RPRD1B: variants seen among roughly 807,000 people sequenced by gnomAD.
RPRD1B encodes the protein regulation of nuclear pre-mRNA domain-containing protein 1B.
A neutral mutation model predicts 41.5 loss-of-function variants in RPRD1B; 11 were observed. That is an observed-to-expected ratio of 0.27 (90% CI 0.17 to 0.44). The LOEUF (loss-of-function observed/expected upper bound fraction) is 0.44, where lower values mean the gene tolerates loss of function less well. RPRD1B is among the 20% of genes least tolerant of loss of function. RPRD1B has a pLI of 1.00. For synonymous variants in RPRD1B, 158 were observed against 155.6 expected (o/e 1.02, Z -0.12); for missense variants, 248 against 389.9 (o/e 0.64, Z 3.06).
At chr20:38,063,244 T>C (rs902943502) in intron 5 of RPRD1B, among the ~76,000 whole-genome samples, 4 of 152,050 alleles carry the variant, frequency 2.6e-5, no homozygotes, top group Non-Finnish European at 1.5e-5. Flanking sequence ...AAAATGTTGA[T>C]CCCCCCCACC....
intron 5 of RPRD1B, among the ~76,000 whole-genome samples, chr20:38,060,515 G>GAAT (rs2074286717): frequency 6.6e-6 from 1 of 152,162 alleles, no homozygotes; most frequent in Non-Finnish European, 1.5e-5. Context: ...GGTATTAATG[G>GAAT]TATTTTAAAG....
chr20:38,063,558 G>GTTTA (rs2074322657), intron 5 of RPRD1B, among the ~76,000 whole-genome samples: 1 of 152,214 alleles, frequency 6.6e-6, no homozygotes, highest in Non-Finnish European at 1.5e-5. Flanking sequence ...GCTGCAAGGG[G>GTTTA]GAGCAGGGAA....
intron 1 of RPRD1B, among the ~76,000 whole-genome samples, chr20:38,039,150 A>C (rs900554542): frequency 3.3e-5 from 5 of 152,346 alleles, no homozygotes; most frequent in Admixed American, 6.5e-5. Flanking sequence ...TTATGGTTTA[A>C]TATATGATAC....
intron 6 of RPRD1B, among the ~76,000 whole-genome samples, chr20:38,071,664 C>T (rs1018337935): frequency 3.3e-5 from 5 of 152,166 alleles, no homozygotes; most frequent in Non-Finnish European, 7.3e-5. Flanking sequence ...TAGCAATGTG[C>T]GTGGGTTCCA....
Position 38,091,929 on chromosome 20 carries a change from C to G in RPRD1B, c.*2054C>G. ...AAATGAATGTGTTGGCCTCTTAATA[C>G]CTGTTACTAGTGGACTTCCTGTGAG... On this transcript the variant is annotated 3_prime_UTR_variant, in exon 7 of 7. Coordinates refer to ENST00000373433, the MANE Select transcript of RPRD1B (RefSeq NM_021215.4). 1.0e-6 allele frequency: 1 copy of G among 985,776 alleles called. No homozygotes were observed. The highest frequency in any genetic ancestry group is 1.2e-6 in the Non-Finnish European group (1 of 829,908). 61.1% of individuals were successfully genotyped at this position (985,776 alleles called of 1,614,324 possible). A position where few individuals can be genotyped will look rare whatever the true frequency, so the allele number is the denominator to read the frequency against.
chr20:38,052,462 T>C (rs138883004), intron 3 of RPRD1B, among the ~76,000 whole-genome samples: 29 of 152,296 alleles, frequency 1.9e-4, no homozygotes, highest in African/African-American at 7.0e-4. Flanking sequence ...CCTCAAATGT[T>C]AGACCTTTAT....
rs115501739 is a variant in RPRD1B, at chr20:38,057,331, G to A, written c.416-201G>A. Among the ~76,000 whole-genome samples the A allele has an allele frequency of 5.5e-3, 833 of 152,194 alleles. 5 individuals are homozygous for A. Among genetic ancestry groups the A allele is most frequent in the African/African-American group, 0.018 (743 of 41,524 alleles). On this transcript the variant is annotated intron_variant, in intron 3 of 6. Coordinates refer to ENST00000373433, the MANE Select transcript of RPRD1B (RefSeq NM_021215.4). ...TACCAGAGAATCAATCTGAGATGAC[G>A]GACAAAGACCTGTTTGACTCTTTTC...
intron 2 of RPRD1B, among the ~76,000 whole-genome samples, chr20:38,041,955 C>G (rs1194106956): frequency 6.6e-6 from 1 of 152,120 alleles, no homozygotes; most frequent in Admixed American, 6.5e-5. Context: ...GAAGGAATAC[C>G]ATTTATATAG....
intron 6 of RPRD1B, among the ~76,000 whole-genome samples, chr20:38,077,923 C>A (rs548513848): frequency 9.2e-5 from 14 of 152,246 alleles, no homozygotes; most frequent in Non-Finnish European, 1.6e-4. Flanking sequence ...CACCTGTAAT[C>A]CCAGCACTTT....
In RPRD1B at chr20:38,059,398, A is replaced by C; in HGVS notation, c.533A>C (p.Glu178Ala). 4 of 1,612,266 alleles carry C rather than the reference A, an allele frequency of 2.5e-6. No homozygotes were observed. Among genetic ancestry groups the C allele is most frequent in the Non-Finnish European group, 3.4e-6 (4 of 1,179,144 alleles). Residue 178 changes from glutamate to alanine, a missense_variant, in exon 5 of 7, where the codon GAG becomes GCG. Physicochemically the swap from Glu to Ala is moderately radical, Grantham distance 107. Around this residue, in one of 5 missense-constraint regions of RPRD1B, gnomAD observed 94 missense variants for 82.3 expected, o/e 1.14. Coordinates refer to ENST00000373433, the MANE Select transcript of RPRD1B (RefSeq NM_021215.4). The stretch of plus-strand genomic sequence containing the variant: ...GTTTGTGTTTTCATCTTACAGACTG[A>C]GGAACTAATCAAAGCTTTGCAGGAT... Reference protein sequence around the residue: ...QDPSAGPLLTEELIKALQDLE... With the variant: ...QDPSAGPLLTAELIKALQDLE...
intron 1 of RPRD1B, among the ~76,000 whole-genome samples, chr20:38,038,365 GT>G (rs2074024813): frequency 6.7e-6 from 1 of 149,508 alleles, no homozygotes; most frequent in African/African-American, 2.5e-5. Context: ...TGGGAGTGCA[GT>G]TGGCGCGATC....
At position 38,077,339 on chromosome 20, in the gene RPRD1B, T is replaced by G. The variant is rs537141164; in HGVS notation, c.831+11083T>G. The stretch of plus-strand genomic sequence containing the variant: ...ATGTACTTCAGACTCATGTATCTCA[T>G]TTCCACAGACACCTCAGACAGTATG... On this transcript the variant is annotated intron_variant, in intron 6 of 6. Transcript: ENST00000373433. 3.9e-5 allele frequency among the ~76,000 whole-genome samples: 6 copies of G among 152,262 alleles called. No individual in the cohort carries two copies. The South Asian group carries it at 1.2e-3, about 32-fold the overall frequency.
chr20:38,056,403 T>A (rs190012474), intron 3 of RPRD1B, among the ~76,000 whole-genome samples: 88 of 151,494 alleles, frequency 5.8e-4, no homozygotes, highest in African/African-American at 1.7e-3. Flanking sequence ...AAAAAAAAAA[T>A]AAAAATAAAA....
chr20:38,049,894 C>T (rs1415855195), intron 3 of RPRD1B: 1 of 468,508 alleles, frequency 2.1e-6, no homozygotes, highest in Non-Finnish European at 4.4e-6. Flanking sequence ...CTCACTTACA[C>T]TGTATTCTTT....
chr20:38,064,116 G>T (rs1455866571), intron 5 of RPRD1B, among the ~76,000 whole-genome samples: 1 of 152,172 alleles, frequency 6.6e-6, no homozygotes, highest in African/African-American at 2.4e-5. Flanking sequence ...CATGGACTGA[G>T]CCACTGAGCA....
intron 6 of RPRD1B, among the ~76,000 whole-genome samples, chr20:38,084,675 G>A (rs924051084): frequency 7.2e-4 from 109 of 152,264 alleles, no homozygotes; most frequent in African/African-American, 2.5e-3. Flanking sequence ...CTCCGTGATG[G>A]GTGGAGTTCA....
Position 38,033,806 on chromosome 20 carries a change from C to T in RPRD1B, c.-142C>T, listed in dbSNP as rs953680335. On this transcript the variant is annotated 5_prime_UTR_variant, in exon 1 of 7. Coordinates refer to ENST00000373433, the MANE Select transcript of RPRD1B (RefSeq NM_021215.4). Reference sequence around the variant, plus strand: ...CTGTTACTGCGGAGACCCATCCCCTCCCCCTTCTCGCACCCCTGGCAGTCT... The same window carrying T: ...CTGTTACTGCGGAGACCCATCCCCTTCCCCTTCTCGCACCCCTGGCAGTCT... 1.3e-5 allele frequency: 10 copies of T among 794,796 alleles called. No homozygotes were observed. The highest frequency in any genetic ancestry group is 1.9e-5 in the Non-Finnish European group (10 of 520,694). 49.2% of individuals were successfully genotyped at this position (794,796 alleles called of 1,614,324 possible). A position where few individuals can be genotyped will look rare whatever the true frequency, so the allele number is the denominator to read the frequency against.
Position 38,048,469 on chromosome 20 carries a change from C to T in RPRD1B, c.403C>T (p.Pro135Ser), listed in dbSNP as rs2122706563. 6.2e-7 allele frequency: 1 copy of T among 1,605,680 alleles called. No individual in the cohort carries two copies. The highest frequency in any genetic ancestry group is 8.5e-7 in the Non-Finnish European group (1 of 1,173,710). The part of the protein sequence containing the change: ...LKLSMEDSKS[P>S]PPKATEEKKS... ...GCTGTCTATGGAGGACTCCAAGAGCCCTCCCCCCAAAGGTAGAAACATCAC... is the reference window on the plus strand; with the variant it reads ...GCTGTCTATGGAGGACTCCAAGAGCTCTCCCCCCAAAGGTAGAAACATCAC... Residue 135 changes from proline to serine, a missense_variant, in exon 3 of 7, where the codon CCT becomes TCT. Transcript: ENST00000373433.
At chr20:38,074,741 G>GGTTTTT (rs971732342) in intron 6 of RPRD1B, among the ~76,000 whole-genome samples, 9 of 152,106 alleles carry the variant, frequency 5.9e-5, no homozygotes, top group Non-Finnish European at 8.8e-5. Context: ...TAGTACTCAG[G>GGTTTTT]GTTTTTGTTT....
Sources: gnomAD v4.1 joint callset for allele counts (sites outside exome capture counted in the v4.1 genomes callset) on GRCh38, gnomAD v4.1.1 for gene constraint, gnomAD v4.1.1 regional missense constraint, MANE v1.5 for transcripts, NCBI Gene and HGNC (gene_info 2026-07-23, HGNC 2026-07-21) for gene names.